The following ULK4 variants were observed in gnomAD, a reference collection of about 807,000 sequenced individuals.
The protein encoded by ULK4 is inactive serine/threonine-protein kinase ULK4.
In ULK4, 133 loss-of-function variants were observed where a neutral mutation model predicts 160.6. The observed-to-expected ratio is 0.83, with a 90% CI of 0.72 to 0.96. The LOEUF is 0.96. Among genes scored for constraint, ULK4 ranks in the 40% least tolerant of loss-of-function variants. ULK4 has a pLI of 0.00. For synonymous variants in ULK4, 534 were observed against 539.8 expected, an observed-to-expected ratio of 0.99 and a Z score of 0.15; for missense variants, 1,580 against 1,499.5, an observed-to-expected ratio of 1.05 and a Z score of -0.89.
chr3:41,480,206 C>CAAAA (rs60805184), intron 32 of ULK4, among the ~76,000 whole-genome samples: 4 of 97,154 alleles, frequency 4.1e-5, no homozygotes, highest in Non-Finnish European at 6.2e-5. Flanking sequence ...GACTCCGTAT[C>CAAAA]AAAAAAAAAA....
chr3:41,935,825 G>A lies in ULK4; in HGVS notation c.354C>T (p.Leu118=), dbSNP rs1198481952. 6.2e-7 allele frequency: 1 copy of A among 1,611,608 alleles called. No individual in the cohort carries two copies. The highest frequency in any genetic ancestry group is 2.2e-5 in the East Asian group (1 of 44,624). Residue 118 remains leucine, a synonymous_variant, in exon 4 of 37, where the codon CTC becomes CTT. Coordinates refer to ENST00000301831, the MANE Select transcript of ULK4 (RefSeq NM_017886.4). ...CCTTCCTAGGAGAAATGTCACAAAAGAGAATGCCAAGTTTATGAAGATGAT... is the reference window on the plus strand; with the variant it reads ...CCTTCCTAGGAGAAATGTCACAAAAAAGAATGCCAAGTTTATGAAGATGAT... The part of the protein sequence containing the change: ...GLHHLHKLGI[L]FCDISPRKIL...
At chr3:41,953,285 C>CACACATATATAT (rs374288098) in intron 2 of ULK4, among the ~76,000 whole-genome samples, 240 of 85,894 alleles carry the variant, frequency 2.8e-3, no homozygotes, top group Middle Eastern at 0.013. Context: ...CATATATACA[C>CACACATATATAT]ATATATATAT....
At chr3:41,369,360 G>A (rs1431582104) in intron 35 of ULK4, among the ~76,000 whole-genome samples, 14 of 152,104 alleles carry the variant, frequency 9.2e-5, no homozygotes, top group Non-Finnish European at 7.4e-5. Context: ...CAGGTGTGGT[G>A]GCACATGCCT....
At chr3:41,633,142 G>T (rs1233410594) in intron 30 of ULK4, among the ~76,000 whole-genome samples, 1 of 152,232 alleles carries the variant, frequency 6.6e-6, no homozygotes, top group African/African-American at 2.4e-5. Context: ...GCGGATCACA[G>T]AAGATCATGT....
chr3:41,401,206 G>A (rs987121147), intron 34 of ULK4, among the ~76,000 whole-genome samples: 4 of 152,108 alleles, frequency 2.6e-5, no homozygotes, highest in African/African-American at 9.7e-5. Flanking sequence ...AAAACTCTTT[G>A]CTGAAACACG....
intron 35 of ULK4, among the ~76,000 whole-genome samples, chr3:41,355,892 A>G (rs1268381955): frequency 6.6e-6 from 1 of 152,242 alleles, no homozygotes; most frequent in African/African-American, 2.4e-5. Context: ...TGGATATGCT[A>G]AAGTGAAAGA....
intron 31 of ULK4, among the ~76,000 whole-genome samples, chr3:41,589,983 T>C (rs2031154638): frequency 6.6e-6 from 1 of 151,648 alleles, no homozygotes; most frequent in African/African-American, 2.4e-5. Context: ...AGAGATGTTT[T>C]AAAGAACCAA....
intron 5 of ULK4, among the ~76,000 whole-genome samples, chr3:41,930,791 T>C (rs879589320): frequency 2.0e-5 from 3 of 152,168 alleles, no homozygotes; most frequent in African/African-American, 7.2e-5. Context: ...CACAATGAGA[T>C]ACCGTCTCAC....
chr3:41,784,427 C>T (rs954653757), intron 21 of ULK4, among the ~76,000 whole-genome samples: 7 of 151,758 alleles, frequency 4.6e-5, no homozygotes, highest in African/African-American at 1.5e-4. Flanking sequence ...AGCAAAACTC[C>T]GTCTCAAAAA....
In ULK4 at chr3:41,677,300, T is replaced by C. The variant is rs867706357; in HGVS notation, c.2978+4208A>G. Among the ~76,000 whole-genome samples, 25 of 151,848 alleles carry C rather than the reference T, an allele frequency of 1.6e-4. 1 individual carries two copies. In the Middle Eastern group the frequency reaches 0.017, roughly 105 times the overall value. On this transcript the variant is annotated intron_variant, in intron 29 of 36. Transcript: ENST00000301831. ...AAATGGTATTATAATCCACATGTGA[T>C]AGGCACTAAACAAATACTTTAAAGT...
chr3:41,438,740 T>C (rs1485663813), intron 34 of ULK4, among the ~76,000 whole-genome samples: 1 of 151,822 alleles, frequency 6.6e-6, no homozygotes, highest in Non-Finnish European at 1.5e-5. Flanking sequence ...GGTGGGAGGA[T>C]CACTTGAGCT....
chr3:41,712,144 T>G (rs929526630), intron 25 of ULK4, among the ~76,000 whole-genome samples: 24 of 152,204 alleles, frequency 1.6e-4, no homozygotes, highest in Non-Finnish European at 2.8e-4. Flanking sequence ...AATTAATTCT[T>G]GTATTTATGC....
intron 21 of ULK4, among the ~76,000 whole-genome samples, chr3:41,775,652 G>A (rs1202316406): frequency 1.3e-5 from 2 of 150,690 alleles, no homozygotes; most frequent in Non-Finnish European, 2.9e-5. Context: ...ACCCACCTCA[G>A]CCTCCCAAAG....
chr3:41,869,067 T>C (rs1215570070), intron 17 of ULK4: 8 of 152,180 alleles, frequency 5.3e-5, no homozygotes, highest in Admixed American at 3.3e-4. Context: ...AATCAATTAG[T>C]TGTAAACACC....
At chr3:41,704,961 C>T (rs1237152549) in intron 27 of ULK4, 96 bp downstream of exon 27, 1 of 866,770 alleles carries the variant, frequency 1.2e-6, no homozygotes, top group Middle Eastern at 3.4e-4. Context: ...ATGTGAGGAA[C>T]ACATATGAGC....
At chr3:41,411,843 CT>C (rs1349724540) in intron 34 of ULK4, among the ~76,000 whole-genome samples, 1 of 152,120 alleles carries the variant, frequency 6.6e-6, no homozygotes, top group Admixed American at 6.5e-5. Flanking sequence ...ATTCCTCAAC[CT>C]GATAAAGGTT....
At chr3:41,308,500 CAG>C (rs1444131135) in intron 35 of ULK4, among the ~76,000 whole-genome samples, 5 of 151,162 alleles carry the variant, frequency 3.3e-5, no homozygotes, top group African/African-American at 1.2e-4. Flanking sequence ...GATCAGGACA[CAG>C]ATACTGGAAA....
chr3:41,370,758 CA>C (rs759259312), intron 35 of ULK4, among the ~76,000 whole-genome samples: 2 of 152,282 alleles, frequency 1.3e-5, no homozygotes, highest in Non-Finnish European at 2.9e-5. Context: ...AGTATTTTTC[CA>C]AACCCCAGTG....
chr3:41,455,417 A>G lies in ULK4; in HGVS notation c.3492+80T>C, dbSNP rs550983179. The stretch of plus-strand genomic sequence containing the variant: ...TTTGAAGGGAATAAAAATAACATAG[A>G]AACTCAAGAGATCAGGAAATTCAAA... On this transcript the variant is annotated intron_variant, in intron 34 of 36. Coordinates refer to ENST00000301831, the MANE Select transcript of ULK4 (RefSeq NM_017886.4). The G allele has an allele frequency of 9.9e-6, 13 of 1,313,882 alleles. No homozygotes were observed. In the South Asian group the frequency reaches 1.7e-4, roughly 17 times the overall value. The allele number at this position is 1,313,882 out of a possible 1,614,324, so 81.4% of individuals were successfully genotyped here.
Sources: gnomAD v4.1 joint callset for allele counts (sites outside exome capture counted in the v4.1 genomes callset) on GRCh38, gnomAD v4.1.1 for gene constraint, MANE v1.5 for transcripts, NCBI Gene and HGNC (gene_info 2026-07-23, HGNC 2026-07-21) for gene names.